The following CLDN14 variants were observed in gnomAD, a reference collection of about 807,000 sequenced individuals.
The protein encoded by CLDN14 is claudin-14.
CLDN14 carries 2 observed loss-of-function variants against 2.1 expected under a neutral mutation model. The observed-to-expected ratio is 0.96, with a 90% CI of 0.39 to 3.01. The LOEUF (loss-of-function observed/expected upper bound fraction) is 3.01, where lower values mean the gene tolerates loss of function less well. Ranked by LOEUF, CLDN14 falls within the 30% of genes most tolerant of loss-of-function variation. CLDN14 has a pLI of 0.09. For missense variants in CLDN14, 298 were observed against 328.0 expected, an observed-to-expected ratio of 0.91 and a Z score of 0.71; for synonymous variants, 136 against 154.4, an observed-to-expected ratio of 0.88 and a Z score of 0.88.
intron 2 of CLDN14, among the ~76,000 whole-genome samples, chr21:36,489,415 C>T (rs2086938634): frequency 6.6e-6 from 1 of 152,126 alleles, no homozygotes; most frequent in Non-Finnish European, 1.5e-5. Context: ...AATCTTGATC[C>T]ATGCCCACCC....
intron 2 of CLDN14, among the ~76,000 whole-genome samples, chr21:36,506,135 T>A (rs2087130214): frequency 6.6e-6 from 1 of 152,228 alleles, no homozygotes; most frequent in Non-Finnish European, 1.5e-5. Flanking sequence ...ATGTCCTTTA[T>A]AAGAGATTAG....
chr21:36,494,602 A>G (rs1214668261), intron 2 of CLDN14, among the ~76,000 whole-genome samples: 1 of 152,232 alleles, frequency 6.6e-6, no homozygotes, highest in Admixed American at 6.5e-5. Flanking sequence ...TTCAGTTAAA[A>G]TGAGTTCGTA....
At chr21:36,479,063 C>T (rs78249536) in intron 1 of CLDN14, among the ~76,000 whole-genome samples, 1,780 of 152,248 alleles carry the variant, frequency 0.012, 20 homozygotes, top group Non-Finnish European at 0.018. Context: ...TCTGGAAACT[C>T]GGAACAGTCT....
At chr21:36,534,853 G>T (rs1184245665) in intron 1 of CLDN14, among the ~76,000 whole-genome samples, 7 of 152,128 alleles carry the variant, frequency 4.6e-5, no homozygotes, top group Admixed American at 2.6e-4. Context: ...TGAGTGGGTT[G>T]CATCTTTCCC....
At chr21:36,488,742 G>A (rs1450466220) in intron 2 of CLDN14, among the ~76,000 whole-genome samples, 1 of 152,120 alleles carries the variant, frequency 6.6e-6, no homozygotes, top group African/African-American at 2.4e-5. Flanking sequence ...GTGGATGGCT[G>A]CATGATATGC....
At chr21:36,476,535 C>T (rs1054264024) in intron 1 of CLDN14, among the ~76,000 whole-genome samples, 6 of 152,192 alleles carry the variant, frequency 3.9e-5, no homozygotes, top group African/African-American at 1.2e-4. Context: ...TCACTGCAAC[C>T]TCCGCCTCCC....
chr21:36,482,132 C>T (rs537840533), upstream of CLDN14, among the ~76,000 whole-genome samples: 2 of 152,254 alleles, frequency 1.3e-5, no homozygotes, highest in East Asian at 3.9e-4. Flanking sequence ...AACATTTTGT[C>T]CCTCCCAAGA....
chr21:36,572,602 A>C (rs62222783), intron 1 of CLDN14, among the ~76,000 whole-genome samples: 1,533 of 152,228 alleles, frequency 0.01, 13 homozygotes, highest in Non-Finnish European at 0.015. Context: ...AGAATTTTGA[A>C]CTCTGGCTAA....
intron 1 of CLDN14, among the ~76,000 whole-genome samples, chr21:36,543,248 C>T (rs1024359123): frequency 6.6e-6 from 1 of 152,234 alleles, no homozygotes; most frequent in Non-Finnish European, 1.5e-5. Flanking sequence ...ATTTTTCCTC[C>T]AACAGATATT....
intron 1 of CLDN14, among the ~76,000 whole-genome samples, chr21:36,571,665 T>C (rs895073813): frequency 6.6e-6 from 1 of 152,158 alleles, no homozygotes; most frequent in African/African-American, 2.4e-5. Flanking sequence ...ACTGAAAAGA[T>C]GGACGCTCTT....
intron 2 of CLDN14, among the ~76,000 whole-genome samples, chr21:36,489,129 A>ATAT (rs56120701): frequency 2.3e-4 from 18 of 79,030 alleles, no homozygotes; most frequent in African/African-American, 3.4e-4. Flanking sequence ...AAAAAAAAAA[A>ATAT]AAATATATAT....
intron 1 of CLDN14, among the ~76,000 whole-genome samples, chr21:36,543,204 C>T (rs897234699): frequency 6.6e-6 from 1 of 152,216 alleles, no homozygotes; most frequent in African/African-American, 2.4e-5. Flanking sequence ...GCTCAGAGAG[C>T]ACCCAACTTC....
intron 1 of CLDN14, among the ~76,000 whole-genome samples, chr21:36,462,586 G>T (rs2086592097): frequency 6.6e-6 from 1 of 152,080 alleles, no homozygotes; most frequent in Non-Finnish European, 1.5e-5. Context: ...CAAAATCCAG[G>T]ATACTTTTTC....
chr21:36,475,566 T>C (rs1016546760), intron 1 of CLDN14, among the ~76,000 whole-genome samples: 3 of 152,160 alleles, frequency 2.0e-5, no homozygotes, highest in Admixed American at 6.5e-5. Flanking sequence ...ATTTATTTCA[T>C]TAAAAATTAT....
chr21:36,486,720 C>T (rs1266724152), intron 2 of CLDN14: 3 of 1,095,356 alleles, frequency 2.7e-6, no homozygotes, highest in East Asian at 4.7e-5. Flanking sequence ...AGGAATTTAG[C>T]CAGTTTCACC....
At chr21:36,555,625 C>T (rs969225462) in intron 1 of CLDN14, among the ~76,000 whole-genome samples, 2 of 152,128 alleles carry the variant, frequency 1.3e-5, no homozygotes, top group African/African-American at 2.4e-5. Context: ...CTCATTATGA[C>T]CCCATGGGCT....
Position 36,461,440 on chromosome 21 carries a change from T to C in CLDN14, c.256A>G (p.Ile86Val). 1 of 1,613,330 alleles carries C rather than the reference T, an allele frequency of 6.2e-7. No individual in the cohort carries two copies. The highest frequency in any genetic ancestry group is 1.1e-5 in the South Asian group (1 of 91,074). Residue 86 changes from isoleucine (I) to valine (V), a missense_variant, in exon 2 of 2, where the codon ATC (isoleucine) becomes GTC (valine). Coordinates refer to ENST00000399135, the MANE Select transcript of CLDN14 (RefSeq NM_001146079.2). Reference protein sequence around the residue: ...DLQAARALMVISCLLSGIACA... With the variant: ...DLQAARALMVVSCLLSGIACA... ...GCTATGCCCGAGAGCAGGCAGGAGA[T>C]GACCATGAGGGCGCGGGCAGCCTGG... is the stretch of plus-strand genomic sequence containing the variant.
intron 1 of CLDN14, among the ~76,000 whole-genome samples, chr21:36,531,693 T>C (rs1233266427): frequency 1.6e-5 from 2 of 127,364 alleles, no homozygotes; most frequent in South Asian, 2.6e-4. Flanking sequence ...TCTTTGTCTG[T>C]TTTTTTTTTT....
intron 1 of CLDN14, among the ~76,000 whole-genome samples, chr21:36,473,242 C>T (rs1183703929): frequency 6.6e-6 from 1 of 152,210 alleles, no homozygotes; most frequent in Non-Finnish European, 1.5e-5. Context: ...TGCCATCACA[C>T]TTGGCTAATT....
Sources: allele counts gnomAD v4.1 joint callset (sites outside exome capture counted in the v4.1 genomes callset), GRCh38; gene constraint gnomAD v4.1.1; transcripts MANE v1.5; gene names NCBI Gene and HGNC (gene_info 2026-07-23, HGNC 2026-07-21).